Variants in ARID1A observed in about 807,000 individuals in gnomAD.
ARID1A encodes AT-rich interaction domain 1A.
A neutral mutation model predicts 212.6 loss-of-function variants in ARID1A; 20 were observed. The ratio of observed to expected loss-of-function variants is 0.09; its 90% confidence interval spans 0.07 to 0.14. ARID1A has a LOEUF of 0.14. Among genes scored for constraint, ARID1A ranks in the 10% least tolerant of loss-of-function variants. The pLI is 1.00. For synonymous variants in ARID1A, 1,376 were observed against 1,222.1 expected (o/e 1.13, Z -2.63); for missense variants, 2,587 against 3,059.0 (o/e 0.85, Z 3.64).
In ARID1A at chr1:26,697,460, G is replaced by A; in HGVS notation, c.1057G>A (p.Ala353Thr). 1.4e-6 allele frequency: 2 copies of A among 1,383,224 alleles called. No homozygotes were observed. The highest frequency in any genetic ancestry group is 1.5e-5 in the African/African-American group (1 of 65,586). The allele number at this position is 1,383,224 out of a possible 1,614,324, so 85.7% of individuals were successfully genotyped here. A position where few individuals can be genotyped will look rare whatever the true frequency, so the allele number is the denominator to read the frequency against. Residue 353 changes from alanine to threonine, a missense_variant, in exon 1 of 20, where the codon GCC becomes ACC. Ala to Thr is a moderately conservative substitution (Grantham distance 58, BLOSUM62 0). This residue lies in a region of ARID1A where 735 missense variants were observed against 590.6 expected (regional missense o/e 1.24). Transcript: ENST00000324856. Reference protein sequence around the residue: ...AAAAAAASGGAQQRSHHAPMS... With the variant: ...AAAAAAASGGTQQRSHHAPMS... Reference sequence around the variant, plus strand: ...TGCGGCGGCGGCCGCCTCGGGAGGGGCCCAACAAAGGAGCCACCACGCGCC... The same window carrying A: ...TGCGGCGGCGGCCGCCTCGGGAGGGACCCAACAAAGGAGCCACCACGCGCC...
In ARID1A at chr1:26,729,656, C is replaced by T. The variant is rs1010640893; in HGVS notation, c.1143C>T (p.Ser381=). Residue 381 remains serine (S), a synonymous_variant, in exon 2 of 20, where the codon TCC becomes TCT. Coordinates refer to ENST00000324856, the MANE Select transcript of ARID1A (RefSeq NM_006015.6). ...AAATGCTCTTTATTTTGTAGCCATC[C>T]AGTCCAATGGATCAGATGGGCAAGA... ...GQPLARTPQP[S]SPMDQMGKMR... 6.2e-7 allele frequency: 1 copy of T among 1,614,032 alleles called. No individual in the cohort carries two copies.
intron 4 of ARID1A, among the ~76,000 whole-genome samples, chr1:26,756,074 T>G (rs1298031573): frequency 6.6e-6 from 1 of 151,786 alleles, no homozygotes; most frequent in Non-Finnish European, 1.5e-5. Context: ...TTTCTTGTTG[T>G]TTGTTTTTGT....
chr1:26,712,286 C>T (rs1327883639), intron 1 of ARID1A, among the ~76,000 whole-genome samples: 1 of 152,160 alleles, frequency 6.6e-6, no homozygotes, highest in African/African-American at 2.4e-5. Context: ...TCACAGTAAG[C>T]CTTTATTGAC....
In ARID1A at chr1:26,745,278, A is replaced by G. The variant is rs1345744383; in HGVS notation, c.1920+12486A>G. ...ACCCCTAAACCTGTGGTCCAGAATC[A>G]GTAAACTGGAATCAAGAAGCAGTAG... On this transcript the variant is annotated intron_variant, in intron 4 of 19. Transcript: ENST00000324856. Among the ~76,000 whole-genome samples the G allele has an allele frequency of 3.9e-5, 6 of 152,204 alleles. No homozygotes were observed. The East Asian group carries it at 9.6e-4, about 24-fold the overall frequency.
At chr1:26,717,566 T>C (rs897663740) in intron 1 of ARID1A, among the ~76,000 whole-genome samples, 6 of 152,234 alleles carry the variant, frequency 3.9e-5, no homozygotes, top group African/African-American at 1.4e-4. Flanking sequence ...AGACATTAAT[T>C]GTTCTACAAA....
At chr1:26,749,131 C>T (rs978864512) in intron 4 of ARID1A, among the ~76,000 whole-genome samples, 1 of 152,162 alleles carries the variant, frequency 6.6e-6, no homozygotes, top group Non-Finnish European at 1.5e-5. Context: ...CGCCACTGCA[C>T]TCCAGCCTCG....
chr1:26,745,428 C>G (rs1181572647), intron 4 of ARID1A, among the ~76,000 whole-genome samples: 1 of 152,208 alleles, frequency 6.6e-6, no homozygotes, highest in African/African-American at 2.4e-5. Context: ...GAGTCAGCTT[C>G]TCATTAGCAG....
intron 1 of ARID1A, among the ~76,000 whole-genome samples, chr1:26,724,107 A>T (rs577978061): frequency 6.6e-6 from 1 of 152,310 alleles, no homozygotes; most frequent in Non-Finnish European, 1.5e-5. Flanking sequence ...ATTAAAAGTC[A>T]TATAACAAAT....
chr1:26,766,430 A>G, intron 9 of ARID1A, 27 bp from the exon 10 acceptor site: 1 of 1,613,866 alleles, frequency 6.2e-7, no homozygotes, highest in Non-Finnish European at 8.5e-7. Flanking sequence ...AACTTACTGG[A>G]CTTGAGAATT....
intron 1 of ARID1A, among the ~76,000 whole-genome samples, chr1:26,712,148 C>T (rs1419446905): frequency 6.6e-6 from 1 of 152,100 alleles, no homozygotes; most frequent in African/African-American, 2.4e-5. Flanking sequence ...GTACACTTTT[C>T]CAAGAAAGTG....
intron 1 of ARID1A, among the ~76,000 whole-genome samples, 157 bp downstream of exon 1, chr1:26,697,697 C>T (rs912572892): frequency 7.9e-5 from 12 of 152,082 alleles, no homozygotes; most frequent in African/African-American, 2.2e-4. Flanking sequence ...AAATGGCTGC[C>T]TGTCTGCCTT....
At chr1:26,739,508 GA>G (rs906653255) in intron 4 of ARID1A, among the ~76,000 whole-genome samples, 2 of 151,734 alleles carry the variant, frequency 1.3e-5, no homozygotes, top group Non-Finnish European at 2.9e-5. Flanking sequence ...TTAAGGGAAG[GA>G]AAAAAAATTA....
chr1:26,732,141 A>G (rs2080684613), intron 3 of ARID1A, among the ~76,000 whole-genome samples: 1 of 152,220 alleles, frequency 6.6e-6, no homozygotes, highest in Non-Finnish European at 1.5e-5. Flanking sequence ...GGAAATAGCA[A>G]AAATTCATTT....
chr1:26,730,534 T>G (rs562610006), intron 2 of ARID1A, among the ~76,000 whole-genome samples: 1 of 152,250 alleles, frequency 6.6e-6, no homozygotes, highest in Non-Finnish European at 1.5e-5. Flanking sequence ...GCCTTTAATA[T>G]AGAAAATTGT....
rs773979087 is a variant in ARID1A, at chr1:26,729,709, A to G, written c.1196A>G (p.Asn399Ser). ...KMRPQPYGGT[N>S]PYSQQQGPPS... ...AGACCTCAGCCATATGGCGGGACTA[A>G]CCCATACTCGCAGCAACAGGGACCT... The change falls in exon 2 of 20, where the codon AAC (asparagine) becomes AGC (serine). Residue 399 changes from asparagine (N) to serine (S), a missense_variant. Asn to Ser is a conservative substitution (Grantham distance 46). Transcript: ENST00000324856. 1 of 1,614,238 alleles carries G rather than the reference A, an allele frequency of 6.2e-7. No individual in the cohort carries two copies. The highest frequency in any genetic ancestry group is 1.1e-5 in the South Asian group (1 of 91,088).
rs1322613369 is a variant in ARID1A at position 26,779,616 on chromosome 1, G to A, written c.5718G>A (p.Arg1906=). The change falls in exon 20 of 20, where the codon CGG becomes CGA. Residue 1906 remains arginine, a synonymous_variant. Coordinates refer to ENST00000324856, the MANE Select transcript of ARID1A (RefSeq NM_006015.6). ...CACCTGATGGACCTCCAGAAAAACG[G>A]ATCACAGCCACTATGGATGACATGT... ...GPPPDGPPEK[R]ITATMDDMLS... 6.2e-7 allele frequency: 1 copy of A among 1,614,088 alleles called. No homozygotes were observed. The highest frequency in any genetic ancestry group is 1.3e-5 in the African/African-American group (1 of 75,016).
In ARID1A at chr1:26,781,721, A is replaced by G; in HGVS notation, c.*965A>G. 1 of 233,786 alleles carries G rather than the reference A, an allele frequency of 4.3e-6. No homozygotes were observed. Among genetic ancestry groups the G allele is most frequent in the East Asian group, 6.0e-5 (1 of 16,590 alleles). 14.5% of individuals were successfully genotyped at this position (233,786 alleles called of 1,614,324 possible). ...AGTTAACAAGTTGGTGACCTGCACA[A>G]AGCGAGACACAGCTATTTAATCTCT... On this transcript the variant is annotated 3_prime_UTR_variant, in exon 20 of 20. Transcript: ENST00000324856.
rs1386915115 is a variant in ARID1A at position 26,778,908 on chromosome 1, G to A, written c.5125-115G>A. 5.8e-5 allele frequency: 59 copies of A among 1,021,894 alleles called. 1 individual carries two copies. Among genetic ancestry groups the A allele is most frequent in the Non-Finnish European group, 3.8e-5 (27 of 717,790 alleles). The allele number at this position is 1,021,894 out of a possible 1,614,324, so 63.3% of individuals were successfully genotyped here. ...TCTGTGGAGAACCTTTGGGAAAGGAGCAACTCTGCCTCTCCCAACTGATAC... is the reference window on the plus strand; with the variant it reads ...TCTGTGGAGAACCTTTGGGAAAGGAACAACTCTGCCTCTCCCAACTGATAC... On this transcript the variant is annotated intron_variant, in intron 19 of 19. Coordinates refer to ENST00000324856, the MANE Select transcript of ARID1A (RefSeq NM_006015.6).
rs776428236 is a variant in ARID1A, at chr1:26,780,779, C to CA, written c.*23_*24insA. On this transcript the variant is annotated 3_prime_UTR_variant, in exon 20 of 20. Coordinates refer to ENST00000324856, the MANE Select transcript of ARID1A (RefSeq NM_006015.6). This position sits in a 1 kb window ranked among gnomAD's most constrained non-coding sequence, Gnocchi z 7.2. ...TGACAGCCGTGGGACACCTCCCCCC[C>CA]CCGTGTGTGTGTGCGTGTGTGGAGA... The CA allele has an allele frequency of 8.4e-6, 13 of 1,543,774 alleles. No homozygotes were observed. Among genetic ancestry groups the CA allele is most frequent in the African/African-American group, 1.4e-5 (1 of 73,906 alleles).
Sources: gnomAD v4.1 joint callset for allele counts (sites outside exome capture counted in the v4.1 genomes callset) on GRCh38, gnomAD v4.1.1 for gene constraint, gnomAD v4.1.1 regional missense constraint, Gnocchi (gnomAD v3.1) non-coding constraint, MANE v1.5 for transcripts, NCBI Gene and HGNC (gene_info 2026-07-23, HGNC 2026-07-21) for gene names.